Variants in DDX54 observed in about 807,000 individuals in gnomAD.
DDX54 encodes the protein DEAD-box helicase 54, also known as ATP-dependent RNA helicase DDX54.
DDX54 carries 67 observed loss-of-function variants against 105.5 expected under a neutral mutation model. The ratio of observed to expected loss-of-function variants is 0.64; its 90% CI spans 0.52 to 0.78. DDX54 has a LOEUF of 0.78. Ranked by LOEUF, DDX54 falls within the 30% of genes least tolerant of loss-of-function variation. DDX54 has a pLI of 0.00. For missense variants in DDX54, 1,206 were observed against 1,230.5 expected (o/e 0.98, Z 0.30); for synonymous variants, 514 against 509.9 (o/e 1.01, Z -0.11).
rs750672319 is a variant in DDX54 at position 113,185,328 on chromosome 12, C to T, written c.124G>A (p.Glu42Lys). Reference sequence around the variant, plus strand: ...GCCTGGATCTCAAACTCGCCGTCCTCCGAGTCGCTGCCGCGGGCCTGGGAG... The same window carrying T: ...GCCTGGATCTCAAACTCGCCGTCCTTCGAGTCGCTGCCGCGGGCCTGGGAG... The part of the protein sequence containing the change: ...AASQARGSDS[E>K]DGEFEIQAED... The change falls in exon 1 of 20, where the codon GAG (glutamate) becomes AAG (lysine). Residue 42 changes from glutamate (E) to lysine (K), a missense_variant. Transcript: ENST00000306014. The T allele has an allele frequency of 6.3e-7, 1 of 1,587,824 alleles. No individual in the cohort carries two copies. The highest frequency in any genetic ancestry group is 2.3e-5 in the East Asian group (1 of 42,804).
chr12:113,178,292 AAT>A (rs1276693867), intron 5 of DDX54: 1 of 152,254 alleles, frequency 6.6e-6, no homozygotes, highest in African/African-American at 2.4e-5. Flanking sequence ...TGCATTTTAA[AAT>A]AGATACACCT....
In DDX54 at chr12:113,179,027, C is replaced by T; in HGVS notation, c.565-1G>A. On this transcript the variant is annotated splice_acceptor_variant, in intron 4 of 19. Coordinates refer to ENST00000306014, the MANE Select transcript of DDX54 (RefSeq NM_024072.4). LOFTEE classifies it high-confidence loss of function. ...TCTTGAGGCCAGTGAACTTGCCTAG[C>T]TGAGAAGAGAAAGTGATTGAGAGAG... 1 of 1,614,102 alleles carries T rather than the reference C, an allele frequency of 6.2e-7. No homozygotes were observed. Among genetic ancestry groups the T allele is most frequent in the Non-Finnish European group, 8.5e-7 (1 of 1,179,998 alleles).
Position 113,169,850 on chromosome 12 carries a change from T to A in DDX54, c.1334A>T (p.Asp445Val), listed in dbSNP as rs1270172771. Reference protein sequence around the residue: ...SGTAYSLVAPDEIPYLLDLHL... With the variant: ...SGTAYSLVAPVEIPYLLDLHL... ...CAGATCCAGCAGGTAGGGGATTTCA[T>A]CAGGGGCCACCAAGGAGTAGGCTGT... Residue 445 changes from aspartate (D) to valine (V), a missense_variant, in exon 12 of 20, where the codon GAT becomes GTT. Asp to Val is a radical substitution (Grantham distance 152, BLOSUM62 -3). Around this residue, in one of 3 missense-constraint regions of DDX54, gnomAD observed 961 missense variants for 1,019.1 expected, o/e 0.94. Coordinates refer to ENST00000306014, the MANE Select transcript of DDX54 (RefSeq NM_024072.4). 1.2e-6 allele frequency: 2 copies of A among 1,613,940 alleles called. No individual in the cohort carries two copies. Among genetic ancestry groups the A allele is most frequent in the East Asian group, 4.5e-5 (2 of 44,858 alleles).
Position 113,172,558 on chromosome 12 carries a change from C to T in DDX54, c.1074G>A (p.Leu358=), listed in dbSNP as rs1459960333. 2 of 1,614,104 alleles carry T rather than the reference C, an allele frequency of 1.2e-6. No individual in the cohort carries two copies. Among genetic ancestry groups the T allele is most frequent in the South Asian group, 2.2e-5 (2 of 91,084 alleles). ...GGGCGCAGCTCACCCGCTGGGTCGT[C>T]AGCAGCTGCTCAGAGCAAAGATGGT... is the stretch of plus-strand genomic sequence containing the variant. ...KHHAEYLTEL[L]TTQRVSCAHI... is the part of the protein sequence containing the mutation. The change falls in exon 11 of 20, where the codon CTG becomes CTA. Residue 358 remains leucine (L), a synonymous_variant. Coordinates refer to ENST00000306014, the MANE Select transcript of DDX54 (RefSeq NM_024072.4).
chr12:113,173,661 T>C (rs1952364263), intron 10 of DDX54, among the ~76,000 whole-genome samples: 2 of 152,188 alleles, frequency 1.3e-5, no homozygotes, highest in South Asian at 2.1e-4. Flanking sequence ...GCTTGCTACA[T>C]GCAGGTCATG....
Position 113,177,151 on chromosome 12 carries a change from A to G in DDX54, c.615-58T>C, listed in dbSNP as rs1222172607. On this transcript the variant is annotated intron_variant, in intron 5 of 19. Transcript: ENST00000306014. ...ACAGGTCTCTTTGGTTTCCCTTCCC[A>G]TAACCAAATGTCCAGGCAAGGCTGC... 1.2e-5 allele frequency: 19 copies of G among 1,592,604 alleles called. No homozygotes were observed. In the East Asian group the frequency reaches 3.8e-4, roughly 32 times the overall value.
intron 12 of DDX54, among the ~76,000 whole-genome samples, chr12:113,169,482 G>C (rs557028358): frequency 6.6e-6 from 1 of 152,042 alleles, no homozygotes; most frequent in Admixed American, 6.6e-5. Context: ...TTTGCCAGGC[G>C]TGGTGGCGGG....
chr12:113,162,787 G>A (rs1286398078), intron 17 of DDX54, 145 bp downstream of exon 17: 16 of 715,486 alleles, frequency 2.2e-5, no homozygotes, highest in Non-Finnish European at 3.1e-5. Context: ...CACTCACCCC[G>A]GGCATGGAGG....
At chr12:113,178,030 G>A (rs1952425250) in intron 5 of DDX54, among the ~76,000 whole-genome samples, 1 of 152,204 alleles carries the variant, frequency 6.6e-6, no homozygotes, top group Non-Finnish European at 1.5e-5. Flanking sequence ...GAGCCCAGGA[G>A]TTTGAGACCA....
intron 12 of DDX54, among the ~76,000 whole-genome samples, chr12:113,168,525 G>A (rs778168164): frequency 2.0e-5 from 3 of 152,240 alleles, no homozygotes; most frequent in Non-Finnish European, 4.4e-5. Context: ...TCCAGGGCCC[G>A]GGAACCAGCA....
At chr12:113,171,305 A>C (rs529051821) in intron 11 of DDX54, among the ~76,000 whole-genome samples, 1 of 152,272 alleles carries the variant, frequency 6.6e-6, no homozygotes, top group Non-Finnish European at 1.5e-5. Context: ...ATTTTGCAAG[A>C]TGGAAAAGTT....
At chr12:113,162,054 T>C (rs1034741001) in intron 17 of DDX54, 57 bp from the exon 18 acceptor site, 142 of 1,553,594 alleles carry the variant, frequency 9.1e-5, no homozygotes, top group Non-Finnish European at 1.2e-4. Context: ...GAGTGCCGGC[T>C]GCCGCTTGGG....
Position 113,178,976 on chromosome 12 carries a change from C to G in DDX54, c.614+1G>C. ...CCTGGCATGGGGTGCAGGGACCTTACCTGTCTCCACCCAGGATCAGGGCAG... is the reference window on the plus strand; with the variant it reads ...CCTGGCATGGGGTGCAGGGACCTTAGCTGTCTCCACCCAGGATCAGGGCAG... On this transcript the variant is annotated splice_donor_variant, in intron 5 of 19. Coordinates refer to ENST00000306014, the MANE Select transcript of DDX54 (RefSeq NM_024072.4). LOFTEE classifies it high-confidence loss of function. 1.2e-6 allele frequency: 2 copies of G among 1,614,032 alleles called. No individual in the cohort carries two copies. Among genetic ancestry groups the G allele is most frequent in the South Asian group, 2.2e-5 (2 of 91,034 alleles).
intron 1 of DDX54, among the ~76,000 whole-genome samples, chr12:113,182,604 C>T (rs914864681): frequency 2.6e-5 from 4 of 151,908 alleles, no homozygotes; most frequent in Non-Finnish European, 5.9e-5. Flanking sequence ...GTCACCCAGG[C>T]TGGAGTGCAG....
At position 113,169,757 on chromosome 12, in the gene DDX54, A is replaced by G. The variant is rs1237221070; in HGVS notation, c.1414+13T>C. ...TCCACGGGGACCCCTATCCCCACCC[A>G]GCCTCCACTCACCTGAGGGCTCCTT... On this transcript the variant is annotated intron_variant, in intron 12 of 19. Transcript: ENST00000306014. 1 of 1,613,212 alleles carries G rather than the reference A, an allele frequency of 6.2e-7. No homozygotes were observed.
At position 113,172,515 on chromosome 12, in the gene DDX54, CTAGGGCACTG is replaced by C; in HGVS notation, c.1107_1116del (p.Tyr369Ter). 1 of 1,614,248 alleles carries C rather than the reference CTAGGGCACTG, an allele frequency of 6.2e-7. No homozygotes were observed. Among genetic ancestry groups the C allele is most frequent in the Non-Finnish European group, 8.5e-7 (1 of 1,180,054 alleles). On this transcript the variant is annotated frameshift_variant, in exon 11 of 20. Transcript: ENST00000306014. LOFTEE classifies it high-confidence loss of function. Reference sequence around the variant, plus strand: ...AGATTGATCTTGCGGGCTGTCGGGTCTAGGGCACTGTAGATGTGGGCGCAGCTCACCCGCT... The same window carrying C: ...AGATTGATCTTGCGGGCTGTCGGGTCTAGATGTGGGCGCAGCTCACCCGCT...
intron 17 of DDX54, 84 bp from the exon 18 acceptor site, chr12:113,162,081 G>A: frequency 1.6e-6 from 2 of 1,268,512 alleles, no homozygotes; most frequent in Non-Finnish European, 2.3e-6. Flanking sequence ...CTCCTCACCC[G>A]ACCCTCTTGT....
chr12:113,164,711 CT>C (rs1320750234), intron 14 of DDX54, among the ~76,000 whole-genome samples: 1 of 147,212 alleles, frequency 6.8e-6, no homozygotes, highest in Non-Finnish European at 1.5e-5. Flanking sequence ...GAGACTCCAT[CT>C]CAAAAACAAA....
At position 113,162,197 on chromosome 12, in the gene DDX54, A is replaced by AG. The variant is rs559116818; in HGVS notation, c.2196-201dup. On this transcript the variant is annotated intron_variant, in intron 17 of 19. Transcript: ENST00000306014. ...CCCTCCTCACCTCTCCCTGCAGTCC[A>AG]GGTCTCAAAAGGGAGTGCGGAGGTC... 6.6e-4 allele frequency among the ~76,000 whole-genome samples: 100 copies of AG among 152,214 alleles called. 1 individual carries two copies. Among genetic ancestry groups the AG allele is most frequent in the African/African-American group, 2.3e-3 (96 of 41,556 alleles).
Sources: gnomAD v4.1 joint callset for allele counts (sites outside exome capture counted in the v4.1 genomes callset) on GRCh38, gnomAD v4.1.1 for gene constraint, gnomAD v4.1.1 regional missense constraint, MANE v1.5 for transcripts, NCBI Gene and HGNC (gene_info 2026-07-23, HGNC 2026-07-21) for gene names.